Variants in TMPRSS15 observed in about 807,000 individuals in gnomAD.
The protein encoded by TMPRSS15 is enteropeptidase.
Under a neutral mutation model 125.3 loss-of-function variants are expected in TMPRSS15, and 128 were observed. The ratio of observed to expected loss-of-function variants is 1.02; its 90% CI spans 0.89 to 1.18. The LOEUF (loss-of-function observed/expected upper bound fraction) is 1.18. Among genes scored for constraint, TMPRSS15 ranks in the 50% most tolerant of loss-of-function variants. The pLI, the probability that TMPRSS15 is intolerant of heterozygous loss-of-function variation, is 0.00. For synonymous variants in TMPRSS15, 446 were observed against 423.2 expected (o/e 1.05, Z -0.66); for missense variants, 1,283 against 1,212.7 (o/e 1.06, Z -0.86).
chr21:18,359,004 T>C (rs1306717911), intron 8 of TMPRSS15, among the ~76,000 whole-genome samples: 1 of 152,042 alleles, frequency 6.6e-6, no homozygotes, highest in Non-Finnish European at 1.5e-5. Flanking sequence ...AACAGTTAAC[T>C]ATTTCTCCAA....
intron 23 of TMPRSS15, among the ~76,000 whole-genome samples, chr21:18,278,646 C>T (rs1004593057): frequency 2.0e-5 from 3 of 152,046 alleles, no homozygotes; most frequent in African/African-American, 7.2e-5. Flanking sequence ...GGCGTGAACC[C>T]GGGAGGTGGA....
At chr21:18,380,580 A>C in intron 4 of TMPRSS15, 1 of 470,866 alleles carries the variant, frequency 2.1e-6, no homozygotes, top group South Asian at 1.5e-5. Flanking sequence ...AATTCTCCAA[A>C]GATGCTGGAA....
chr21:18,287,489 GA>G (rs1013065692), intron 21 of TMPRSS15, among the ~76,000 whole-genome samples: 20 of 152,140 alleles, frequency 1.3e-4, no homozygotes, highest in Non-Finnish European at 2.6e-4. Context: ...AAATAACTAA[GA>G]AAAAAGGTGG....
chr21:18,270,916 T>A (rs1459171524), intron 24 of TMPRSS15, among the ~76,000 whole-genome samples: 2 of 152,216 alleles, frequency 1.3e-5, no homozygotes, highest in Non-Finnish European at 2.9e-5. Flanking sequence ...TTGTTTTTTA[T>A]ATTTATGAAG....
intron 6 of TMPRSS15, among the ~76,000 whole-genome samples, chr21:18,367,658 G>T (rs1274352853): frequency 6.6e-6 from 1 of 152,194 alleles, no homozygotes; most frequent in East Asian, 1.9e-4. Flanking sequence ...ATGAGGTAGG[G>T]TGCTCAATCT....
At chr21:18,456,751 C>T (rs139009636) in intron 1 of TMPRSS15, among the ~76,000 whole-genome samples, 47 of 152,156 alleles carry the variant, frequency 3.1e-4, no homozygotes, top group African/African-American at 8.9e-4. Flanking sequence ...GTAATCAAAG[C>T]ATACACTTGG....
intron 5 of TMPRSS15, among the ~76,000 whole-genome samples, chr21:18,374,805 A>G (rs2075827396): frequency 6.6e-6 from 1 of 152,256 alleles, no homozygotes; most frequent in East Asian, 1.9e-4. Flanking sequence ...AACTCTCACA[A>G]TGGCAGAGGA....
intron 8 of TMPRSS15, among the ~76,000 whole-genome samples, chr21:18,354,572 T>TA (rs1279015503): frequency 2.0e-5 from 3 of 151,798 alleles, no homozygotes; most frequent in Admixed American, 6.6e-5. Flanking sequence ...GTCTTGCCTT[T>TA]AGCGGAGTGA....
chr21:18,352,616 A>G (rs2147005784), intron 10 of TMPRSS15, among the ~76,000 whole-genome samples: 2 of 152,104 alleles, frequency 1.3e-5, no homozygotes, highest in African/African-American at 4.8e-5. Context: ...TTAGTTAATA[A>G]TAAGTGGCAA....
At chr21:18,445,984 AG>A (rs2076255040) in intron 1 of TMPRSS15, among the ~76,000 whole-genome samples, 1 of 152,228 alleles carries the variant, frequency 6.6e-6, no homozygotes, top group Non-Finnish European at 1.5e-5. Flanking sequence ...AAAGAAATAA[AG>A]GGCATCCAAA....
In TMPRSS15 at chr21:18,447,270, C is replaced by A. The variant is rs567495279; in HGVS notation, c.10+38529G>T. On this transcript the variant is annotated intron_variant, in intron 1 of 7. Coordinates refer to the TMPRSS15 transcript ENST00000422787. ...ACCAGCCTGGCCAATATGGTGAAAC[C>A]CCATCTCTACTAAAAATTAAAAAGC... Among the ~76,000 whole-genome samples the A allele has an allele frequency of 1.5e-3, 222 of 151,400 alleles. 2 individuals carry two copies. Among genetic ancestry groups the A allele is most frequent in the Middle Eastern group, 0.01 (3 of 292 alleles).
chr21:18,278,826 G>A (rs1306236691), intron 23 of TMPRSS15, 138 bp downstream of exon 23: 1 of 598,404 alleles, frequency 1.7e-6, no homozygotes, highest in Non-Finnish European at 3.0e-6. Flanking sequence ...ATGCTTGACG[G>A]TACTTTTAGG....
intron 18 of TMPRSS15, among the ~76,000 whole-genome samples, chr21:18,305,183 C>CT (rs59103494): frequency 0.031 from 2,667 of 85,804 alleles, 252 homozygotes; most frequent in Middle Eastern, 0.057. Context: ...AATTTCCGTA[C>CT]TTTTTTTTTT....
At chr21:18,414,803 T>C (rs1253984995) in intron 1 of TMPRSS15, among the ~76,000 whole-genome samples, 1 of 152,208 alleles carries the variant, frequency 6.6e-6, no homozygotes, top group Non-Finnish European at 1.5e-5. Flanking sequence ...CCGTGAATAA[T>C]GTTGTAATAA....
At chr21:18,342,390 C>T (rs1267978452) in intron 12 of TMPRSS15, among the ~76,000 whole-genome samples, 3 of 152,126 alleles carry the variant, frequency 2.0e-5, no homozygotes, top group African/African-American at 7.2e-5. Context: ...TATTTTCTTC[C>T]TTACACATAT....
chr21:18,296,010 AGGCGTGGTGGCG>A (rs1568989735), intron 19 of TMPRSS15, among the ~76,000 whole-genome samples: 1 of 152,080 alleles, frequency 6.6e-6, no homozygotes, highest in Non-Finnish European at 1.5e-5. Context: ...AAAATTAGCC[AGGCGTGGTGGCG>A]GGCACCTGTA....
chr21:18,272,641 C>G (rs935266103), intron 24 of TMPRSS15, among the ~76,000 whole-genome samples: 2 of 152,136 alleles, frequency 1.3e-5, no homozygotes, highest in African/African-American at 2.4e-5. Flanking sequence ...AGGAGAATCA[C>G]TTGAATCCGG....
At chr21:18,315,315 A>G (rs2075151546) in intron 16 of TMPRSS15, 59 bp from the exon 17 acceptor site, 1 of 1,421,046 alleles carries the variant, frequency 7.0e-7, no homozygotes, top group Non-Finnish European at 9.8e-7. Flanking sequence ...ATGATTCTGG[A>G]GTACAAATCC....
chr21:18,441,661 C>T (rs1009046543), intron 1 of TMPRSS15, among the ~76,000 whole-genome samples: 7 of 134,722 alleles, frequency 5.2e-5, no homozygotes, highest in South Asian at 2.4e-4. Context: ...CTTTAGGACA[C>T]ATTATTATTA....
Sources: gnomAD v4.1 joint callset for allele counts (sites outside exome capture counted in the v4.1 genomes callset) on GRCh38, gnomAD v4.1.1 for gene constraint, MANE v1.5 for transcripts, NCBI Gene and HGNC (gene_info 2026-07-23, HGNC 2026-07-21) for gene names.